Variants in TMA16 observed in about 807,000 individuals in gnomAD.
TMA16 encodes the protein translation machinery associated 16 homolog, also known as translation machinery-associated protein 16.
Under a neutral mutation model 27.1 loss-of-function variants are expected in TMA16, and 26 were observed. The observed-to-expected ratio is 0.96, with a 90% confidence interval of 0.70 to 1.33. The LOEUF is 1.33. TMA16 is among the 40% of genes most tolerant of loss of function. The pLI is 0.00. For synonymous variants in TMA16, 71 were observed against 81.9 expected (o/e 0.87, Z 0.72); for missense variants, 233 against 241.4 (o/e 0.97, Z 0.23).
At chr4:163,515,672 C>T in intron 5 of TMA16, 1 of 506,080 alleles carries the variant, frequency 2.0e-6, no homozygotes, top group Non-Finnish European at 3.5e-6. Context: ...AGTGATGTGA[C>T]ATCATGTCTT....
At chr4:163,495,052 T>G (rs966657353) in intron 1 of TMA16, among the ~76,000 whole-genome samples, 7 of 151,858 alleles carry the variant, frequency 4.6e-5, no homozygotes, top group Non-Finnish European at 7.4e-5. Flanking sequence ...CCTCTTTGCC[T>G]TGTGCCTAAC....
At position 163,519,382 on chromosome 4, in the gene TMA16, A is replaced by C. The variant is rs1337437914; in HGVS notation, c.480A>C (p.Lys160Asn). The C allele has an allele frequency of 3.7e-6, 6 of 1,605,984 alleles. No homozygotes were observed. Among genetic ancestry groups the C allele is most frequent in the Non-Finnish European group, 5.1e-6 (6 of 1,177,330 alleles). Reference sequence around the variant, plus strand: ...AATTACCAAACATTAAAATGAGAAAAATTTGCGCTAATGATGCAATTCCCA... The same window carrying C: ...AATTACCAAACATTAAAATGAGAAACATTTGCGCTAATGATGCAATTCCCA... ...LKKLPNIKMR[K>N]ICANDAIPKT... Residue 160 changes from lysine (K) to asparagine (N), a missense_variant, in exon 7 of 7, where the codon AAA becomes AAC. Transcript: ENST00000358572.
intron 5 of TMA16, chr4:163,517,233 G>T (rs186344526): frequency 1.9e-4 from 113 of 579,784 alleles, no homozygotes; most frequent in African/African-American, 1.7e-3. Context: ...TGGATTCTAT[G>T]CTAGAATTTA....
At chr4:163,505,423 A>T (rs1397714602) in intron 1 of TMA16, among the ~76,000 whole-genome samples, 1 of 152,234 alleles carries the variant, frequency 6.6e-6, no homozygotes, top group Admixed American at 6.5e-5. Flanking sequence ...AGAGCGCTCA[A>T]TGAGTGTTGA....
intron 4 of TMA16, 69 bp downstream of exon 4, chr4:163,514,227 CA>C: frequency 8.0e-7 from 1 of 1,257,092 alleles, no homozygotes; most frequent in Non-Finnish European, 1.1e-6. Flanking sequence ...CTTTAAGACA[CA>C]GAGCTCTGTT....
chr4:163,511,547 A>G (rs1047757862), intron 2 of TMA16, among the ~76,000 whole-genome samples: 2 of 152,064 alleles, frequency 1.3e-5, no homozygotes, highest in Non-Finnish European at 2.9e-5. Flanking sequence ...ATGGTGGCTC[A>G]TCCTTGTAAT....
intron 1 of TMA16, among the ~76,000 whole-genome samples, chr4:163,503,833 T>A (rs1326942135): frequency 1.3e-5 from 2 of 152,230 alleles, no homozygotes; most frequent in African/African-American, 2.4e-5. Flanking sequence ...ATGAAAGTTT[T>A]AAAATATAGT....
At chr4:163,499,005 C>T (rs1177965904) in intron 1 of TMA16, among the ~76,000 whole-genome samples, 2 of 152,202 alleles carry the variant, frequency 1.3e-5, no homozygotes, top group Non-Finnish European at 2.9e-5. Context: ...TACTGGCTTG[C>T]ACCCCCTTGA....
intron 1 of TMA16, among the ~76,000 whole-genome samples, chr4:163,504,891 ACTT>A (rs1737698999): frequency 6.6e-6 from 1 of 152,078 alleles, no homozygotes; most frequent in African/African-American, 2.4e-5. Context: ...TGCAGGCCTC[ACTT>A]CTTCACTAGC....
chr4:163,497,591 C>G (rs1388204778), intron 1 of TMA16, among the ~76,000 whole-genome samples: 1 of 152,012 alleles, frequency 6.6e-6, no homozygotes. Context: ...TTCTTTGGCT[C>G]CTTCCCTCTT....
chr4:163,504,455 G>A (rs1391456451), intron 1 of TMA16, among the ~76,000 whole-genome samples: 1 of 152,066 alleles, frequency 6.6e-6, no homozygotes, highest in Non-Finnish European at 1.5e-5. Flanking sequence ...GTATTACTTG[G>A]GGGTGTGATT....
rs375295209 is a variant in TMA16, at chr4:163,507,089, T to C, written c.60T>C (p.Tyr20=). ...GGGAAAAAAAAGTCATCCATCCATA[T>C]AGTAGAAAAGCAGCTCAAATTACGA... The part of the protein sequence containing the change: ...AGREKKVIHP[Y]SRKAAQITRE... Residue 20 remains tyrosine, a synonymous_variant, in exon 2 of 7, where the codon TAT becomes TAC. Coordinates refer to ENST00000358572, the MANE Select transcript of TMA16 (RefSeq NM_018352.3). The C allele has an allele frequency of 1.1e-5, 17 of 1,595,800 alleles. No individual in the cohort carries two copies. The African/African-American group carries it at 1.9e-4, about 18-fold the overall frequency.
Position 163,494,806 on chromosome 4 carries a change from T to C in TMA16, c.3+2T>C. On this transcript the variant is annotated splice_donor_variant, in intron 1 of 6. Coordinates refer to ENST00000358572, the MANE Select transcript of TMA16 (RefSeq NM_018352.3). LOFTEE classifies it high-confidence loss of function. The stretch of plus-strand genomic sequence containing the variant: ...CGTGGCCACGAGGACGTCACCATGG[T>C]GGGCCCCCTCCTGCTCCCCCGAACC... The C allele has an allele frequency of 3.7e-6, 6 of 1,612,136 alleles. No homozygotes were observed. The highest frequency in any genetic ancestry group is 5.1e-6 in the Non-Finnish European group (6 of 1,180,002).
intron 3 of TMA16, among the ~76,000 whole-genome samples, chr4:163,513,532 A>G (rs1252843387): frequency 6.6e-6 from 1 of 152,132 alleles, no homozygotes. Context: ...AATATATATC[A>G]ATTACTCTAC....
At chr4:163,502,869 T>C (rs998654159) in intron 1 of TMA16, among the ~76,000 whole-genome samples, 3 of 152,200 alleles carry the variant, frequency 2.0e-5, no homozygotes, top group Non-Finnish European at 4.4e-5. Context: ...GGTGTAAAAT[T>C]GGTACATCAT....
At chr4:163,511,382 C>T (rs749282287) in intron 2 of TMA16, among the ~76,000 whole-genome samples, 24 of 151,776 alleles carry the variant, frequency 1.6e-4, no homozygotes, top group Non-Finnish European at 2.9e-4. Context: ...AGAATCTGTC[C>T]GAATCTTTTG....
intron 1 of TMA16, among the ~76,000 whole-genome samples, chr4:163,505,787 A>G (rs1367851012): frequency 6.6e-6 from 1 of 152,188 alleles, no homozygotes; most frequent in Non-Finnish European, 1.5e-5. Context: ...TTAGTGTTTT[A>G]TGAAGACAAG....
At chr4:163,515,240 A>G in intron 4 of TMA16, 73 bp from the exon 5 acceptor site, 6 of 1,433,592 alleles carry the variant, frequency 4.2e-6, no homozygotes, top group Non-Finnish European at 5.6e-6. Flanking sequence ...CTGGATACTA[A>G]GTTTTCCATT....
intron 1 of TMA16, among the ~76,000 whole-genome samples, chr4:163,504,434 T>C (rs954389421): frequency 5.3e-5 from 8 of 152,174 alleles, no homozygotes; most frequent in African/African-American, 1.9e-4. Flanking sequence ...TCTCACAAGG[T>C]TGCAGTGAAA....
Sources: gnomAD v4.1 joint callset for allele counts (sites outside exome capture counted in the v4.1 genomes callset) on GRCh38, gnomAD v4.1.1 for gene constraint, MANE v1.5 for transcripts, NCBI Gene and HGNC (gene_info 2026-07-23, HGNC 2026-07-21) for gene names.